HPCAL1: variants seen among roughly 807,000 people sequenced by gnomAD.
The protein encoded by HPCAL1 is hippocalcin-like protein 1.
A neutral mutation model predicts 17.1 loss-of-function variants in HPCAL1; 8 were observed. That is an observed-to-expected ratio of 0.47 (90% CI 0.27 to 0.84). The LOEUF (loss-of-function observed/expected upper bound fraction) is 0.84, where lower values mean the gene tolerates loss of function less well. Ranked by LOEUF, HPCAL1 falls within the 40% of genes least tolerant of loss-of-function variation. HPCAL1 has a pLI of 0.13. For missense variants in HPCAL1, 165 were observed against 271.1 expected (o/e 0.61, Z 2.75); for synonymous variants, 112 against 111.4 (o/e 1.01, Z -0.03).
At chr2:10,348,182 GCTC>G (rs1665585978) in intron 1 of HPCAL1, among the ~76,000 whole-genome samples, 1 of 152,202 alleles carries the variant, frequency 6.6e-6, no homozygotes, top group Non-Finnish European at 1.5e-5. Flanking sequence ...GGGCACAGTG[GCTC>G]ATGCCTGTAA....
At chr2:10,378,333 C>G (rs982465922) in intron 1 of HPCAL1, among the ~76,000 whole-genome samples, 1 of 147,812 alleles carries the variant, frequency 6.8e-6, no homozygotes, top group African/African-American at 2.5e-5. Context: ...GATTTGGTTG[C>G]AGCTGTTAGT....
At chr2:10,420,772 A>G (rs1024946853) in intron 3 of HPCAL1, among the ~76,000 whole-genome samples, 2 of 151,976 alleles carry the variant, frequency 1.3e-5, no homozygotes, top group Non-Finnish European at 2.9e-5. Context: ...TATTTTATAT[A>G]TATTTGGAGA....
At chr2:10,401,579 T>C (rs1448734720) in intron 2 of HPCAL1, among the ~76,000 whole-genome samples, 2 of 152,104 alleles carry the variant, frequency 1.3e-5, no homozygotes, top group Non-Finnish European at 2.9e-5. Context: ...GATTTGGAAG[T>C]TGTCTGTAAG....
At chr2:10,421,900 C>T (rs1671084467) in intron 3 of HPCAL1, among the ~76,000 whole-genome samples, 1 of 152,150 alleles carries the variant, frequency 6.6e-6, no homozygotes, top group South Asian at 2.1e-4. Flanking sequence ...TTAACATGGG[C>T]TCGGGGAACT....
intron 1 of HPCAL1, among the ~76,000 whole-genome samples, chr2:10,353,465 T>G (rs1212769049): frequency 6.6e-6 from 1 of 152,220 alleles, no homozygotes; most frequent in Non-Finnish European, 1.5e-5. Context: ...GGATACTGGT[T>G]CAGGGCCAGT....
At chr2:10,405,563 T>C (rs1035385908) in intron 2 of HPCAL1, among the ~76,000 whole-genome samples, 1 of 152,230 alleles carries the variant, frequency 6.6e-6, no homozygotes, top group Non-Finnish European at 1.5e-5. Context: ...GCCTGGAACA[T>C]CAGGGTGGAA....
chr2:10,308,081 A>G (rs1162992270), intron 1 of HPCAL1, among the ~76,000 whole-genome samples: 2 of 152,038 alleles, frequency 1.3e-5, no homozygotes, highest in Non-Finnish European at 2.9e-5. Flanking sequence ...GTGAAGTGCT[A>G]TGGAGGGGAG....
chr2:10,306,877 A>T (rs1265048177), intron 1 of HPCAL1, among the ~76,000 whole-genome samples: 1 of 152,154 alleles, frequency 6.6e-6, no homozygotes, highest in Non-Finnish European at 1.5e-5. Context: ...GAACTAAAGA[A>T]ATCCTTCCCA....
rs140994438 is a variant in HPCAL1 at position 10,313,424 on chromosome 2, G to A, written c.-111+10247G>A. 7.9e-3 allele frequency among the ~76,000 whole-genome samples: 1,205 copies of A among 152,358 alleles called. 18 individuals carry two copies. Among genetic ancestry groups the A allele is most frequent in the African/African-American group, 0.028 (1,154 of 41,576 alleles). On this transcript the variant is annotated intron_variant, in intron 1 of 4. Coordinates refer to ENST00000307845, the MANE Select transcript of HPCAL1 (RefSeq NM_002149.4). Reference sequence around the variant, plus strand: ...CCCCCCAATTCCTTAACTGTAGGATGGCGGCTGCCTTCATTAGAATCTTAA... The same window carrying A: ...CCCCCCAATTCCTTAACTGTAGGATAGCGGCTGCCTTCATTAGAATCTTAA...
chr2:10,314,435 T>G (rs1223860118), intron 1 of HPCAL1, among the ~76,000 whole-genome samples: 1 of 152,156 alleles, frequency 6.6e-6, no homozygotes, highest in African/African-American at 2.4e-5. Context: ...AGACAGGGAC[T>G]CGTGGCGTAA....
chr2:10,379,556 C>T (rs1288339061), intron 1 of HPCAL1, among the ~76,000 whole-genome samples: 1 of 152,044 alleles, frequency 6.6e-6, no homozygotes, highest in African/African-American at 2.4e-5. Context: ...GCCCGGCCTC[C>T]AAGGCCTTGA....
chr2:10,374,177 C>G (rs919752712), intron 1 of HPCAL1, among the ~76,000 whole-genome samples: 5 of 152,176 alleles, frequency 3.3e-5, no homozygotes. Context: ...TCTCGAATCC[C>G]CAGTCTCAGC....
rs553475699 is a variant in HPCAL1, at chr2:10,337,280, C to T, written c.-111+34103C>T. 2.6e-5 allele frequency among the ~76,000 whole-genome samples: 4 copies of T among 152,142 alleles called. No individual in the cohort carries two copies. The East Asian group carries it at 5.8e-4, about 22-fold the overall frequency. The stretch of plus-strand genomic sequence containing the variant: ...TTGCCTCCCCCTCCTTTCGTGTCTT[C>T]GTGCCTCCTCACGTATTCTTACAAG... On this transcript the variant is annotated intron_variant, in intron 1 of 4. Transcript: ENST00000307845.
At chr2:10,406,363 T>C (rs1553359324) in intron 2 of HPCAL1, 2 of 152,348 alleles carry the variant, frequency 1.3e-5, no homozygotes, top group Non-Finnish European at 1.5e-5. Flanking sequence ...TGAGCCCACG[T>C]AAGTCTCTTC....
chr2:10,326,339 C>T (rs1051858435), intron 1 of HPCAL1, among the ~76,000 whole-genome samples: 9 of 152,188 alleles, frequency 5.9e-5, no homozygotes, highest in African/African-American at 1.7e-4. Context: ...TGACAGAAGG[C>T]GGGAGGTGGC....
In HPCAL1 at chr2:10,330,543, G is replaced by A. The variant is rs553110627; in HGVS notation, c.-111+27366G>A. ...GGTGGCGGCAGGGTTGGTGTCACCC[G>A]AGGCCTCTCTCCTCGGCTCCGTGTA... On this transcript the variant is annotated intron_variant, in intron 1 of 4. Coordinates refer to ENST00000307845, the MANE Select transcript of HPCAL1 (RefSeq NM_002149.4). This position sits in a 1 kb window ranked among gnomAD's most constrained non-coding sequence, Gnocchi z 4.2. Among the ~76,000 whole-genome samples the A allele has an allele frequency of 2.4e-3, 359 of 152,124 alleles. 1 individual carries two copies. Among genetic ancestry groups the A allele is most frequent in the Non-Finnish European group, 3.8e-3 (258 of 67,984 alleles).
At chr2:10,422,959 C>T (rs1413453248) in intron 3 of HPCAL1, 24 bp from the exon 4 acceptor site, 10 of 1,558,522 alleles carry the variant, frequency 6.4e-6, no homozygotes, top group Non-Finnish European at 2.7e-6. Flanking sequence ...CCTCTGAGCA[C>T]AGTGTCATTG....
intron 2 of HPCAL1, among the ~76,000 whole-genome samples, chr2:10,414,812 G>A (rs1670558260): frequency 1.3e-5 from 2 of 152,202 alleles, no homozygotes; most frequent in South Asian, 2.1e-4. Flanking sequence ...AAGGAGTGAG[G>A]AATGAGGACA....
chr2:10,386,079 C>T (rs188143010), intron 1 of HPCAL1, among the ~76,000 whole-genome samples: 6 of 152,322 alleles, frequency 3.9e-5, no homozygotes, highest in African/African-American at 9.6e-5. Flanking sequence ...ACGTCACAGT[C>T]GCTCTTGAAC....
Sources: gnomAD v4.1 joint callset for allele counts (sites outside exome capture counted in the v4.1 genomes callset) on GRCh38, gnomAD v4.1.1 for gene constraint, Gnocchi (gnomAD v3.1) non-coding constraint, MANE v1.5 for transcripts, NCBI Gene and HGNC (gene_info 2026-07-23, HGNC 2026-07-21) for gene names.